Variants in CAMK2B observed in about 807,000 individuals in gnomAD.
The protein encoded by CAMK2B is calcium/calmodulin dependent protein kinase II beta.
A neutral mutation model predicts 93.7 loss-of-function variants in CAMK2B; 27 were observed. That is an observed-to-expected ratio of 0.29 (90% CI 0.21 to 0.40). The LOEUF is 0.40. Ranked by LOEUF, CAMK2B falls within the 10% of genes least tolerant of loss-of-function variation. CAMK2B has a pLI of 1.00. For missense variants in CAMK2B, 568 were observed against 895.8 expected (o/e 0.63, Z 4.67); for synonymous variants, 374 against 358.8 (o/e 1.04, Z -0.48).
chr7:44,233,086 T>TCTGTCCAGGCTGGCGGAGGTGCTG (rs1436975398), intron 15 of CAMK2B, among the ~76,000 whole-genome samples: 1 of 151,958 alleles, frequency 6.6e-6, no homozygotes, highest in African/African-American at 2.4e-5. Context: ...GGACAGGAGC[T>TCTGTCCAGGCTGGCGGAGGTGCTG]CTGTCCAGGC....
At position 44,312,728 on chromosome 7, in the gene CAMK2B, C is replaced by T. The variant is rs540663072; in HGVS notation, c.65+12629G>A. Among the ~76,000 whole-genome samples the T allele has an allele frequency of 5.9e-5, 9 of 152,196 alleles. No individual in the cohort carries two copies. The South Asian group carries it at 1.7e-3, about 28-fold the overall frequency. ...TAACACCTCCCGCAAGACAGGCTGT[C>T]CTGGGTTGGATGTCATGTGGACAAT... On this transcript the variant is annotated intron_variant, in intron 1 of 23. Transcript: ENST00000395749. This position sits in a 1 kb window ranked among gnomAD's most constrained non-coding sequence, Gnocchi z 4.1.
At chr7:44,314,095 T>G (rs1414505924) in intron 1 of CAMK2B, among the ~76,000 whole-genome samples, 1 of 152,118 alleles carries the variant, frequency 6.6e-6, no homozygotes, top group Non-Finnish European at 1.5e-5. Flanking sequence ...ATTTTCTGAG[T>G]AGGTTTTATT....
chr7:44,285,201 A>C (rs1385479904), intron 1 of CAMK2B, among the ~76,000 whole-genome samples: 1 of 152,250 alleles, frequency 6.6e-6, no homozygotes, highest in Non-Finnish European at 1.5e-5. Context: ...CTGACTAGTC[A>C]CCACGGTTGA....
intron 5 of CAMK2B, among the ~76,000 whole-genome samples, chr7:44,251,315 T>A (rs535550542): frequency 6.6e-6 from 1 of 152,184 alleles, no homozygotes; most frequent in Non-Finnish European, 1.5e-5. Context: ...TTTGTGGCTA[T>A]GCTTGTTGGG....
chr7:44,288,885 A>C (rs1263086234), intron 1 of CAMK2B, among the ~76,000 whole-genome samples: 2 of 152,086 alleles, frequency 1.3e-5, no homozygotes, highest in Admixed American at 1.3e-4. Flanking sequence ...ACCTGCGAGG[A>C]GAGGTGCTGA....
At position 44,241,876 on chromosome 7, in the gene CAMK2B, T is replaced by A. The variant is rs2075073; in HGVS notation, c.820-93A>T. On this transcript the variant is annotated intron_variant, in intron 10 of 23. Transcript: ENST00000395749. ...GCTTGTGGCACCCTGGGGTCCCCAC[T>A]TGCCAAGAGCCACCGGCCACCATTG... 0.39 allele frequency: 384,130 copies of A among 990,476 alleles called. 77,642 individuals carry two copies. The highest frequency in any genetic ancestry group is 0.48 in the Middle Eastern group (2,285 of 4,714). The allele number at this position is 990,476 out of a possible 1,614,324, so 61.4% of individuals were successfully genotyped here. A position where few individuals can be genotyped will look rare whatever the true frequency, so the allele number is the denominator to read the frequency against.
chr7:44,302,084 C>T (rs1024937005), intron 1 of CAMK2B, among the ~76,000 whole-genome samples: 8 of 152,036 alleles, frequency 5.3e-5, no homozygotes, highest in Admixed American at 1.3e-4. Context: ...ACAGATCCCA[C>T]GGATATTAAA....
intron 6 of CAMK2B, among the ~76,000 whole-genome samples, chr7:44,246,873 A>G (rs539289958): frequency 6.6e-6 from 1 of 151,646 alleles, no homozygotes; most frequent in African/African-American, 2.4e-5. Context: ...CACACACATA[A>G]GCATGCACAC....
intron 2 of CAMK2B, among the ~76,000 whole-genome samples, chr7:44,280,727 C>G (rs1480977981): frequency 6.6e-6 from 1 of 152,182 alleles, no homozygotes; most frequent in Non-Finnish European, 1.5e-5. Flanking sequence ...AAAGTAGCAG[C>G]CTTCGTTCAA....
rs973494674 is a variant in CAMK2B, at chr7:44,286,219, G to A, written c.66-1994C>T. 1.7e-4 allele frequency among the ~76,000 whole-genome samples: 26 copies of A among 152,006 alleles called. No individual in the cohort carries two copies. The highest frequency in any genetic ancestry group is 5.6e-4 in the African/African-American group (23 of 41,402). On this transcript the variant is annotated intron_variant, in intron 1 of 23. Coordinates refer to ENST00000395749, the MANE Select transcript of CAMK2B (RefSeq NM_001220.5). This position sits in a 1 kb window ranked among gnomAD's most constrained non-coding sequence, Gnocchi z 4.0. ...TGCTCAGGAGAGGTAAGAGCTTCCC[G>A]AAACCAGTCCTGAGCTACCATCTGT...
intron 1 of CAMK2B, among the ~76,000 whole-genome samples, chr7:44,287,995 C>T (rs1324394177): frequency 1.3e-5 from 2 of 152,258 alleles, no homozygotes; most frequent in Non-Finnish European, 2.9e-5. Context: ...AACTGACCTA[C>T]AAGCAACACA....
chr7:44,263,997 T>G (rs78387525), intron 2 of CAMK2B: 1 of 154,684 alleles, frequency 6.5e-6, no homozygotes, highest in Non-Finnish European at 1.5e-5. Context: ...CACAGCCGCA[T>G]GTGGGGAGCT....
chr7:44,223,358 G>A (rs1372425068), intron 20 of CAMK2B, among the ~76,000 whole-genome samples: 2 of 152,132 alleles, frequency 1.3e-5, no homozygotes, highest in African/African-American at 4.8e-5. Flanking sequence ...TGCTACACAA[G>A]CCCAGTTCCC....
intron 1 of CAMK2B, among the ~76,000 whole-genome samples, chr7:44,309,063 C>T (rs965301219): frequency 6.6e-6 from 1 of 152,216 alleles, no homozygotes; most frequent in African/African-American, 2.4e-5. Context: ...CAGCACTGCC[C>T]GCCTGGCCTA....
At chr7:44,274,002 G>A (rs2097003443) in intron 2 of CAMK2B, among the ~76,000 whole-genome samples, 1 of 152,156 alleles carries the variant, frequency 6.6e-6, no homozygotes, top group South Asian at 2.1e-4. Flanking sequence ...GTGGCCAGCA[G>A]TCCCGCACAC....
chr7:44,226,519 G>A lies in CAMK2B; in HGVS notation c.1594C>T (p.Pro532Ser). 2 of 1,440,976 alleles carry A rather than the reference G, an allele frequency of 1.4e-6. No homozygotes were observed. Among genetic ancestry groups the A allele is most frequent in the Non-Finnish European group, 1.8e-6 (2 of 1,097,998 alleles). The allele number at this position is 1,440,976 out of a possible 1,614,324, so 89.3% of individuals were successfully genotyped here. A position where few individuals can be genotyped will look rare whatever the true frequency, so the allele number is the denominator to read the frequency against. ...SPTIPGPLPTPSRKQEIIKTT... is the reference protein window; with the variant it reads ...SPTIPGPLPTSSRKQEIIKTT... ...GGCCACTCAAGGTGCTACTTACATGGGGTGGGCAGGGGGCCAGGGATAGTC... is the reference window on the plus strand; with the variant it reads ...GGCCACTCAAGGTGCTACTTACATGAGGTGGGCAGGGGGCCAGGGATAGTC... Residue 532 changes from proline (P) to serine (S), a missense_variant, in exon 20 of 24, where the codon CCA becomes TCA. Physicochemically the swap from Pro to Ser is moderately conservative, Grantham distance 74. Transcript: ENST00000395749.
intron 1 of CAMK2B, among the ~76,000 whole-genome samples, chr7:44,322,709 C>A (rs775466052): frequency 5.3e-5 from 8 of 152,204 alleles, no homozygotes; most frequent in Non-Finnish European, 1.2e-4. Context: ...CCCCTCTTGG[C>A]TGGCTGACCC....
rs1793895873 is a variant in CAMK2B, at chr7:44,312,785, A to AGAGAATAAAAATGT, written c.65+12558_65+12571dup. Among the ~76,000 whole-genome samples the AGAGAATAAAAATGT allele has an allele frequency of 1.3e-5, 2 of 152,358 alleles. No homozygotes were observed. Among genetic ancestry groups the AGAGAATAAAAATGT allele is most frequent in the African/African-American group, 4.8e-5 (2 of 41,582 alleles). ...AGATAAGAATTTGTGAATGTCAATC[A>AGAGAATAAAAATGT]GAGAATAAAAATGTAAGAATAAAAT... is the stretch of plus-strand genomic sequence containing the variant. On this transcript the variant is annotated intron_variant, in intron 1 of 23. Coordinates refer to ENST00000395749, the MANE Select transcript of CAMK2B (RefSeq NM_001220.5). The surrounding 1 kb of genome is among the most constrained non-coding windows in gnomAD (Gnocchi z 4.1).
chr7:44,243,868 C>A (rs931105919), intron 6 of CAMK2B, among the ~76,000 whole-genome samples: 6 of 152,200 alleles, frequency 3.9e-5, no homozygotes, highest in African/African-American at 1.4e-4. Context: ...CTCATCCTTA[C>A]AAGCAAACTA....
Sources: gnomAD v4.1 joint callset for allele counts (sites outside exome capture counted in the v4.1 genomes callset) on GRCh38, gnomAD v4.1.1 for gene constraint, Gnocchi (gnomAD v3.1) non-coding constraint, MANE v1.5 for transcripts, NCBI Gene and HGNC (gene_info 2026-07-23, HGNC 2026-07-21) for gene names.